Variants in ROCK2 observed in about 807,000 individuals in gnomAD.
ROCK2 encodes Rho associated coiled-coil containing protein kinase 2.
A neutral mutation model predicts 195.1 loss-of-function variants in ROCK2; 61 were observed. That is an observed-to-expected ratio of 0.31 (90% confidence interval 0.25 to 0.39). The LOEUF (loss-of-function observed/expected upper bound fraction) is 0.39. Ranked by LOEUF, ROCK2 falls within the 10% of genes least tolerant of loss-of-function variation. ROCK2 has a pLI of 1.00. For missense variants in ROCK2, 1,109 were observed against 1,637.4 expected (o/e 0.68, Z 5.57); for synonymous variants, 504 against 545.5 (o/e 0.92, Z 1.06).
intron 1 of ROCK2, among the ~76,000 whole-genome samples, chr2:11,324,216 C>A (rs1310947048): frequency 6.6e-6 from 1 of 152,182 alleles, no homozygotes; most frequent in African/African-American, 2.4e-5. Flanking sequence ...GCTGGAGGAT[C>A]ACGAGGTCAA....
chr2:11,181,626 G>A lies in ROCK2; in HGVS notation c.*1811C>T, dbSNP rs1259593419. The A allele has an allele frequency of 1.4e-5, 2 of 144,858 alleles. No individual in the cohort carries two copies. The highest frequency in any genetic ancestry group is 5.0e-5 in the African/African-American group (2 of 40,326). The allele number at this position is 144,858 out of a possible 1,614,324, so 9.0% of individuals were successfully genotyped here. ...GTCTATTTCCTTCATCGAAATATTA[G>A]ATGACTTTTTTTTTTTTTTTTTTTT... On this transcript the variant is annotated 3_prime_UTR_variant, in exon 33 of 33. Coordinates refer to ENST00000315872, the MANE Select transcript of ROCK2 (RefSeq NM_004850.5).
Position 11,193,875 on chromosome 2 carries a change from T to C in ROCK2, c.3609-18A>G. The C allele has an allele frequency of 1.4e-6, 2 of 1,416,932 alleles. No individual in the cohort carries two copies. Among genetic ancestry groups the C allele is most frequent in the South Asian group, 2.4e-5 (2 of 84,142 alleles). The allele number at this position is 1,416,932 out of a possible 1,614,324, so 87.8% of individuals were successfully genotyped here. A position where few individuals can be genotyped will look rare whatever the true frequency, so the allele number is the denominator to read the frequency against. On this transcript the variant is annotated intron_variant, in intron 29 of 32. Transcript: ENST00000315872. ...ATAACTTGCTATAAAAAATTTTGAA[T>C]AAAGGAATAAAATATCACCCAAGGA...
intron 3 of ROCK2, among the ~76,000 whole-genome samples, chr2:11,269,938 G>T (rs553737281): frequency 2.5e-4 from 38 of 152,208 alleles, no homozygotes; most frequent in African/African-American, 8.4e-4. Flanking sequence ...TTTTCTCGTA[G>T]AGATGGGGTC....
chr2:11,242,396 TC>T (rs1665458061), intron 4 of ROCK2, among the ~76,000 whole-genome samples: 1 of 151,992 alleles, frequency 6.6e-6, no homozygotes, highest in South Asian at 2.1e-4. Context: ...ACAGAGGGTA[TC>T]AGAGCTCAGA....
At position 11,180,520 on chromosome 2, in the gene ROCK2, A is replaced by ACATT. The variant is rs1226154916; in HGVS notation, c.*2913_*2916dup. 6.6e-5 allele frequency: 10 copies of ACATT among 152,330 alleles called. No homozygotes were observed. Among genetic ancestry groups the ACATT allele is most frequent in the African/African-American group, 2.2e-4 (9 of 41,560 alleles). 9.4% of individuals were successfully genotyped at this position (152,330 alleles called of 1,614,324 possible). ...GTTTTTTAAAATTAATACTTTAAAAACATTCACTGTACATTAATTTCAACA... is the reference window on the plus strand; with the variant it reads ...GTTTTTTAAAATTAATACTTTAAAAACATTCATTCACTGTACATTAATTTCAACA... On this transcript the variant is annotated 3_prime_UTR_variant, in exon 33 of 33. Coordinates refer to ENST00000315872, the MANE Select transcript of ROCK2 (RefSeq NM_004850.5).
At chr2:11,268,234 G>A (rs974330478) in intron 3 of ROCK2, among the ~76,000 whole-genome samples, 1 of 152,072 alleles carries the variant, frequency 6.6e-6, no homozygotes. Flanking sequence ...ACAAATTGCT[G>A]GGGGCTAAGT....
chr2:11,274,712 T>C (rs771543552), intron 3 of ROCK2, among the ~76,000 whole-genome samples: 1 of 152,182 alleles, frequency 6.6e-6, no homozygotes, highest in African/African-American at 2.4e-5. Flanking sequence ...ATTCTCATAC[T>C]TCTCTAGAAA....
Position 11,193,787 on chromosome 2 carries a change from TC to T in ROCK2, c.3678del (p.Ile1227TyrfsTer52). 6.3e-7 allele frequency: 1 copy of T among 1,582,070 alleles called. No individual in the cohort carries two copies. The highest frequency in any genetic ancestry group is 1.1e-5 in the South Asian group (1 of 87,286). ...VYRADAKEIP[R>X]IFQILYANEG... Reference sequence around the variant, plus strand: ...AACAAAACTATGTTTACCTGGAATATCCTTGGAATTTCTTTAGCATCTGCTC... The same window carrying T: ...AACAAAACTATGTTTACCTGGAATATCTTGGAATTTCTTTAGCATCTGCTC... On this transcript the variant is annotated frameshift_variant, in exon 30 of 33. Transcript: ENST00000315872. LOFTEE classifies it high-confidence loss of function.
In ROCK2 at chr2:11,344,082, C is replaced by A. The variant is rs773708028; in HGVS notation, c.55G>T (p.Gly19Trp). 3.9e-6 allele frequency: 6 copies of A among 1,545,378 alleles called. No homozygotes were observed. The South Asian group carries it at 7.1e-5, about 18-fold the overall frequency. The change falls in exon 1 of 33, where the codon GGG (glycine) becomes TGG (tryptophan). Residue 19 changes from glycine (G) to tryptophan (W), a missense_variant. By Grantham distance (184) the Gly-to-Trp change is radical. Transcript: ENST00000315872. This position sits in a 1 kb window ranked among gnomAD's most constrained non-coding sequence, Gnocchi z 5.4. The part of the protein sequence containing the change: ...KMPGAPETAP[G>W]DGAGASRQRK... The stretch of plus-strand genomic sequence containing the variant: ...TGGCGGCTCGCGCCTGCCCCGTCCC[C>A]CGGCGCGGTCTCGGGGGCGCCGGGC...
At chr2:11,258,242 C>A (rs1403975797) in intron 3 of ROCK2, among the ~76,000 whole-genome samples, 1 of 151,328 alleles carries the variant, frequency 6.6e-6, no homozygotes, top group East Asian at 1.9e-4. Flanking sequence ...GAATAAGTGA[C>A]TGACTGAATG....
At position 11,274,972 on chromosome 2, in the gene ROCK2, A is replaced by G. The variant is rs190791731; in HGVS notation, c.324+11567T>C. The stretch of plus-strand genomic sequence containing the variant: ...ACAGTAAAAATTAAGAATAATAAGA[A>G]CAGGCCGGGAGCAGTGGCTCATGCC... On this transcript the variant is annotated intron_variant, in intron 3 of 32. Coordinates refer to ENST00000315872, the MANE Select transcript of ROCK2 (RefSeq NM_004850.5). Among the ~76,000 whole-genome samples, 179 of 152,058 alleles carry G rather than the reference A, an allele frequency of 1.2e-3. 1 individual carries two copies. The highest frequency in any genetic ancestry group is 2.2e-3 in the Admixed American group (33 of 15,262).
At chr2:11,247,327 A>G (rs866890172) in intron 4 of ROCK2, among the ~76,000 whole-genome samples, 5 of 152,208 alleles carry the variant, frequency 3.3e-5, no homozygotes, top group South Asian at 2.1e-4. Flanking sequence ...AAAATCATTG[A>G]ATAAAACAAT....
At chr2:11,222,035 G>A (rs1377863608) in intron 8 of ROCK2, 48 bp downstream of exon 8, 4 of 1,096,470 alleles carry the variant, frequency 3.6e-6, no homozygotes, top group Non-Finnish European at 5.6e-6. Context: ...ATCAACTTAT[G>A]AGTTTCAGAA....
chr2:11,257,584 G>A (rs1042308157), intron 3 of ROCK2, among the ~76,000 whole-genome samples: 2 of 151,336 alleles, frequency 1.3e-5, no homozygotes, highest in African/African-American at 4.9e-5. Flanking sequence ...TTTATGAAGA[G>A]CCCTTAAAGG....
chr2:11,340,517 C>G (rs1047393753), intron 1 of ROCK2, among the ~76,000 whole-genome samples: 1 of 151,884 alleles, frequency 6.6e-6, no homozygotes, highest in Non-Finnish European at 1.5e-5. Context: ...TTAAAGTAAA[C>G]TAGTCACAAA....
intron 1 of ROCK2, among the ~76,000 whole-genome samples, chr2:11,336,523 T>G (rs566231256): frequency 7.9e-5 from 12 of 152,068 alleles, no homozygotes; most frequent in African/African-American, 2.9e-4. Context: ...AGCACTGGTA[T>G]TACAGGCATG....
intron 3 of ROCK2, among the ~76,000 whole-genome samples, chr2:11,271,717 T>C (rs1666634989): frequency 6.6e-6 from 1 of 152,152 alleles, no homozygotes; most frequent in Non-Finnish European, 1.5e-5. Context: ...AACAATGCCA[T>C]CTGAGGTTGA....
intron 23 of ROCK2, 84 bp from the exon 24 acceptor site, chr2:11,198,858 G>T: frequency 4.0e-6 from 3 of 756,472 alleles, no homozygotes; most frequent in South Asian, 1.8e-5. Context: ...AAACATCCTA[G>T]AATATTGTTA....
In ROCK2 at chr2:11,201,505, C is replaced by T; in HGVS notation, c.2620-92G>A. On this transcript the variant is annotated intron_variant, in intron 21 of 32. Transcript: ENST00000315872. This position sits in a 1 kb window ranked among gnomAD's most constrained non-coding sequence, Gnocchi z 4.6. ...ATTCAGACAAAAAGGAGAATGAACA[C>T]ATACAAATATTTTCTTACTGCTAAG... 1 of 729,916 alleles carries T rather than the reference C, an allele frequency of 1.4e-6. No individual in the cohort carries two copies. The allele number at this position is 729,916 out of a possible 1,614,324, so 45.2% of individuals were successfully genotyped here. A position where few individuals can be genotyped will look rare whatever the true frequency, so the allele number is the denominator to read the frequency against.
Sources: gnomAD v4.1 joint callset for allele counts (sites outside exome capture counted in the v4.1 genomes callset) on GRCh38, gnomAD v4.1.1 for gene constraint, Gnocchi (gnomAD v3.1) non-coding constraint, MANE v1.5 for transcripts, NCBI Gene and HGNC (gene_info 2026-07-23, HGNC 2026-07-21) for gene names.